ATRN: variants seen among roughly 807,000 people sequenced by gnomAD.
ATRN encodes attractin-2.
In ATRN, 54 loss-of-function variants were observed where a neutral mutation model predicts 178.7. That is an observed-to-expected ratio of 0.30 (90% CI 0.24 to 0.38). The LOEUF (loss-of-function observed/expected upper bound fraction) is 0.38. ATRN is among the 10% of genes least tolerant of loss of function. The pLI is 1.00. For synonymous variants in ATRN, 636 were observed against 663.0 expected (o/e 0.96, Z 0.63); for missense variants, 1,443 against 1,815.1 (o/e 0.79, Z 3.73).
chr20:3,634,217 G>A (rs1006176531), intron 25 of ATRN, 94 bp from the exon 26 acceptor site: 7 of 1,089,512 alleles, frequency 6.4e-6, no homozygotes, highest in Non-Finnish European at 9.7e-6. Flanking sequence ...GTGGCATGTG[G>A]GAGCTGTTTT....
chr20:3,555,053 T>G (rs1241367118), intron 6 of ATRN, among the ~76,000 whole-genome samples: 3 of 127,164 alleles, frequency 2.4e-5, no homozygotes, highest in Non-Finnish European at 3.1e-5. Flanking sequence ...CAGGCTGGAG[T>G]GCAGTGGCGT....
intron 25 of ATRN, chr20:3,628,890 T>A (rs1348345169): frequency 1.0e-6 from 1 of 985,252 alleles, no homozygotes; most frequent in Non-Finnish European, 1.2e-6. Context: ...CACTGTTGAT[T>A]TTTTCCCAGA....
chr20:3,634,288 C>G, intron 25 of ATRN, 23 bp from the exon 26 acceptor site: 1 of 1,609,582 alleles, frequency 6.2e-7, no homozygotes. Context: ...GGGATAATAA[C>G]TCAGTACTTT....
At chr20:3,594,446 G>C (rs889747580) in intron 19 of ATRN, 33 bp from the exon 20 acceptor site, 3 of 1,559,502 alleles carry the variant, frequency 1.9e-6, no homozygotes, top group African/African-American at 1.4e-5. Flanking sequence ...TTTTAAGCCA[G>C]TTGTGACCTC....
chr20:3,485,993 C>T (rs2084688870), intron 1 of ATRN, among the ~76,000 whole-genome samples: 1 of 152,064 alleles, frequency 6.6e-6, no homozygotes, highest in Admixed American at 6.6e-5. Context: ...TTTATTTTGT[C>T]TTCACCCTTG....
Position 3,565,351 on chromosome 20 carries a change from G to A in ATRN, c.1790G>A (p.Cys597Tyr), listed in dbSNP as rs144751505. ...SSDFMAYDIA[C>Y]DRWSVLPRPD... The stretch of plus-strand genomic sequence containing the variant: ...AATATATTTTTCTTTCTCCTAGCCT[G>A]TGACCGCTGGTCAGTGCTTCCCAGA... The change falls in exon 11 of 29, where the codon TGT becomes TAT. Residue 597 changes from cysteine to tyrosine, a missense_variant. Cys to Tyr is a radical substitution (Grantham distance 194). Around this residue, in one of 4 missense-constraint regions of ATRN, gnomAD observed 862 missense variants for 972.1 expected, o/e 0.89. Coordinates refer to ENST00000262919, the MANE Select transcript of ATRN (RefSeq NM_139321.3). 1.2e-6 allele frequency: 2 copies of A among 1,613,528 alleles called. No homozygotes were observed. The highest frequency in any genetic ancestry group is 2.2e-5 in the East Asian group (1 of 44,870).
Position 3,576,903 on chromosome 20 carries a change from G to C in ATRN, c.2259G>C (p.Met753Ile), listed in dbSNP as rs187140712. 2.8e-5 allele frequency: 45 copies of C among 1,614,140 alleles called. No homozygotes were observed. In the Admixed American group the frequency reaches 5.2e-4, roughly 19 times the overall value. Residue 753 changes from methionine (M) to isoleucine (I), a missense_variant, in exon 14 of 29, where the codon ATG (methionine) becomes ATC (isoleucine). Met to Ile is a conservative substitution (Grantham distance 10). This residue lies in a region of ATRN where 862 missense variants were observed against 972.1 expected (regional missense o/e 0.89). Transcript: ENST00000262919. ...AGAATTGCCCCAAGGATAACCCCATGTACTACTGTAACAAGAAGACCAGCT... is the reference window on the plus strand; with the variant it reads ...AGAATTGCCCCAAGGATAACCCCATCTACTACTGTAACAAGAAGACCAGCT... ...RYENCPKDNP[M>I]YYCNKKTSCR...
At chr20:3,520,717 G>A (rs763209028) in intron 1 of ATRN, among the ~76,000 whole-genome samples, 6 of 152,198 alleles carry the variant, frequency 3.9e-5, no homozygotes, top group Admixed American at 1.3e-4. Context: ...GGCTGGTCTC[G>A]AACTCCTGGC....
chr20:3,486,766 G>A (rs1380174960), intron 1 of ATRN, among the ~76,000 whole-genome samples: 1 of 152,038 alleles, frequency 6.6e-6, no homozygotes, highest in African/African-American at 2.4e-5. Context: ...TTGGTTGATT[G>A]TATTAACGTA....
At chr20:3,484,094 T>G (rs1405808618) in intron 1 of ATRN, among the ~76,000 whole-genome samples, 1 of 151,944 alleles carries the variant, frequency 6.6e-6, no homozygotes, top group Admixed American at 6.6e-5. Context: ...TAAAAAAATT[T>G]AAAAATTTGC....
rs564467119 is a variant in ATRN, at chr20:3,572,747, G to A, written c.1888G>A (p.Gly630Ser). 126 of 1,613,704 alleles carry A rather than the reference G, an allele frequency of 7.8e-5. No individual in the cohort carries two copies. Among genetic ancestry groups the A allele is most frequent in the Middle Eastern group, 1.6e-4 (1 of 6,082 alleles). ...TCCTCTTAGCACCATGTATGTGTTC[G>A]GTGGTTTCAATAGTCTCCTCCTCAG... ...VLHNSTMYVF[G>S]GFNSLLLSDI... Residue 630 changes from glycine (G) to serine (S), a missense_variant, in exon 12 of 29, where the codon GGT (glycine) becomes AGT (serine). Physicochemically the swap from Gly to Ser is moderately conservative, Grantham distance 56. This residue lies in a region of ATRN where 862 missense variants were observed against 972.1 expected (regional missense o/e 0.89). Transcript: ENST00000262919.
In ATRN at chr20:3,562,470, T is replaced by C; in HGVS notation, c.1631+11T>C. 2 of 1,612,402 alleles carry C rather than the reference T, an allele frequency of 1.2e-6. No individual in the cohort carries two copies. Among genetic ancestry groups the C allele is most frequent in the Middle Eastern group, 1.7e-4 (1 of 6,050 alleles). ...GGATACCCAGATGTGGTGGGTACTT[T>C]TTCTTGAGCTTTCACTTTAAGGTGT... On this transcript the variant is annotated intron_variant, in intron 9 of 28. Transcript: ENST00000262919.
chr20:3,489,672 G>T, intron 1 of ATRN: 1 of 1,551,006 alleles, frequency 6.4e-7, no homozygotes, highest in Non-Finnish European at 8.9e-7. Context: ...CAAGGAGACA[G>T]CATCTTCAAT....
intron 1 of ATRN, among the ~76,000 whole-genome samples, chr20:3,495,513 T>C (rs2084866184): frequency 6.6e-6 from 1 of 152,236 alleles, no homozygotes. Context: ...TAGTTAACCT[T>C]TTTGTTTAAA....
chr20:3,648,033 T>C lies in ATRN; in HGVS notation c.*1186T>C, dbSNP rs190958912. ...CCCTGGATCAGAGAGCATCTGTGTG[T>C]CCTGCAGCCTCCTCTGAACTTGTGG... On this transcript the variant is annotated 3_prime_UTR_variant, in exon 29 of 29. Coordinates refer to ENST00000262919, the MANE Select transcript of ATRN (RefSeq NM_139321.3). The C allele has an allele frequency of 6.6e-6, 1 of 152,364 alleles. No individual in the cohort carries two copies. Among genetic ancestry groups the C allele is most frequent in the Non-Finnish European group, 1.5e-5 (1 of 68,054 alleles). 9.4% of individuals were successfully genotyped at this position (152,364 alleles called of 1,614,324 possible). A position where few individuals can be genotyped will look rare whatever the true frequency, so the allele number is the denominator to read the frequency against.
chr20:3,540,775 C>T (rs773175221), intron 3 of ATRN, among the ~76,000 whole-genome samples: 3 of 150,990 alleles, frequency 2.0e-5, no homozygotes, highest in African/African-American at 2.4e-5. Context: ...TAATTGTGTG[C>T]GTGTGTGTGT....
At chr20:3,566,210 A>G (rs958991423) in intron 11 of ATRN, among the ~76,000 whole-genome samples, 15 of 152,210 alleles carry the variant, frequency 9.9e-5, no homozygotes, top group African/African-American at 3.1e-4. Flanking sequence ...GAAGTTTAAT[A>G]TAGCTCAAGT....
intron 23 of ATRN, among the ~76,000 whole-genome samples, chr20:3,602,531 A>G (rs682808): frequency 0.84 from 127,579 of 152,116 alleles, 53,767 homozygotes; most frequent in East Asian, 1. Flanking sequence ...ATTGCCTTGT[A>G]CACGCCACTT....
intron 1 of ATRN, among the ~76,000 whole-genome samples, chr20:3,481,880 T>G (rs1274857808): frequency 2.0e-5 from 3 of 151,176 alleles, no homozygotes; most frequent in Non-Finnish European, 4.4e-5. Context: ...CTCTTGGTCC[T>G]TTTTGTATTT....
Sources: gnomAD v4.1 joint callset for allele counts (sites outside exome capture counted in the v4.1 genomes callset) on GRCh38, gnomAD v4.1.1 for gene constraint, gnomAD v4.1.1 regional missense constraint, MANE v1.5 for transcripts, NCBI Gene and HGNC (gene_info 2026-07-23, HGNC 2026-07-21) for gene names.